Variants in PLD5 observed in about 807,000 individuals in gnomAD.
The protein encoded by PLD5 is phospholipase D family member 5, also known as inactive phospholipase D5.
A neutral mutation model predicts 61.1 loss-of-function variants in PLD5; 36 were observed. The ratio of observed to expected loss-of-function variants is 0.59; its 90% confidence interval spans 0.45 to 0.78. PLD5 has a LOEUF of 0.78. PLD5 is among the 30% of genes least tolerant of loss of function. PLD5 has a pLI of 0.00. For synonymous variants in PLD5, 243 were observed against 242.8 expected, an observed-to-expected ratio of 1.00 and a Z score of -0.01; for missense variants, 515 against 644.4, an observed-to-expected ratio of 0.80 and a Z score of 2.17.
intron 1 of PLD5, among the ~76,000 whole-genome samples, chr1:242,514,341 T>C (rs1185684236): frequency 6.6e-6 from 1 of 152,198 alleles, no homozygotes; most frequent in African/African-American, 2.4e-5. Context: ...TCCAGGTCCT[T>C]ACCAGTACGA....
chr1:242,176,538 T>G (rs903282850), intron 5 of PLD5, among the ~76,000 whole-genome samples: 2 of 152,174 alleles, frequency 1.3e-5, no homozygotes, highest in East Asian at 1.9e-4. Flanking sequence ...AAAGACTTCA[T>G]GTCTAAAGCA....
intron 8 of PLD5, among the ~76,000 whole-genome samples, chr1:242,104,516 T>C (rs1031880860): frequency 3.1e-4 from 47 of 152,158 alleles, no homozygotes; most frequent in African/African-American, 1.0e-3. Context: ...GCAGACGCCA[T>C]GGAGACATGT....
chr1:242,303,672 T>C (rs1013147203), intron 2 of PLD5, among the ~76,000 whole-genome samples: 6 of 152,196 alleles, frequency 3.9e-5, no homozygotes, highest in African/African-American at 1.2e-4. Flanking sequence ...CACAGTGACA[T>C]TCTTAGGAAC....
At chr1:242,190,482 G>T (rs559149123) in intron 5 of PLD5, among the ~76,000 whole-genome samples, 4 of 151,920 alleles carry the variant, frequency 2.6e-5, no homozygotes, top group Non-Finnish European at 5.9e-5. Flanking sequence ...TGCTCCTCAG[G>T]GATGTGACTA....
chr1:242,109,013 G>T (rs984110788), intron 7 of PLD5, among the ~76,000 whole-genome samples: 17 of 152,162 alleles, frequency 1.1e-4, no homozygotes, highest in African/African-American at 3.6e-4. Context: ...CTAGATCCTG[G>T]ATCCACGCTA....
At chr1:242,394,988 AATAT>A (rs534666387) in intron 1 of PLD5, among the ~76,000 whole-genome samples, 1 of 51,180 alleles carries the variant, frequency 2.0e-5, no homozygotes, top group African/African-American at 8.7e-5. Flanking sequence ...AATATATATG[AATAT>A]ATATGTATAT....
chr1:242,356,940 A>G (rs1048556017), intron 1 of PLD5, among the ~76,000 whole-genome samples: 10 of 151,966 alleles, frequency 6.6e-5, no homozygotes, highest in African/African-American at 2.4e-4. Flanking sequence ...CCATTACACT[A>G]GGGATAAAAT....
At chr1:242,278,782 G>A (rs1356169978) in intron 3 of PLD5, among the ~76,000 whole-genome samples, 2 of 152,186 alleles carry the variant, frequency 1.3e-5, no homozygotes, top group Non-Finnish European at 2.9e-5. Context: ...CTTGATAAAT[G>A]TTTGTTCAAT....
intron 1 of PLD5, among the ~76,000 whole-genome samples, chr1:242,401,732 G>A (rs1663945132): frequency 6.6e-6 from 1 of 152,126 alleles, no homozygotes; most frequent in Non-Finnish European, 1.5e-5. Flanking sequence ...TGACAGTCCT[G>A]TCTAAAATGA....
intron 2 of PLD5, among the ~76,000 whole-genome samples, chr1:242,309,605 C>T (rs1452852882): frequency 6.6e-6 from 1 of 151,596 alleles, no homozygotes; most frequent in Non-Finnish European, 1.5e-5. Context: ...AGCTTCTGAC[C>T]TCAGGTGATC....
chr1:242,282,121 A>G (rs1438169169), intron 3 of PLD5, among the ~76,000 whole-genome samples: 1 of 152,180 alleles, frequency 6.6e-6, no homozygotes, highest in Non-Finnish European at 1.5e-5. Flanking sequence ...GTGAATAACA[A>G]TATTCACGAT....
At position 242,488,926 on chromosome 1, in the gene PLD5, A is replaced by G. The variant is rs56143844; in HGVS notation, c.189+35162T>C. 7.2e-3 allele frequency among the ~76,000 whole-genome samples: 1,102 copies of G among 152,294 alleles called. 18 individuals carry two copies. Among genetic ancestry groups the G allele is most frequent in the African/African-American group, 0.025 (1,041 of 41,566 alleles). On this transcript the variant is annotated intron_variant, in intron 1 of 9. Coordinates refer to ENST00000536534, the MANE Select transcript of PLD5 (RefSeq NM_001372062.1). ...AAAGTAAAGACTCTTTTTTAAAATT[A>G]TAGTACTGATGATTAAAACTTGAAA... is the stretch of plus-strand genomic sequence containing the variant.
intron 3 of PLD5, among the ~76,000 whole-genome samples, chr1:242,266,756 G>T (rs1673701702): frequency 6.6e-6 from 1 of 152,256 alleles, no homozygotes; most frequent in East Asian, 1.9e-4. Flanking sequence ...TGGGTTTGGT[G>T]ACTTGGGAAG....
intron 4 of PLD5, among the ~76,000 whole-genome samples, chr1:242,236,360 A>G (rs1203117218): frequency 1.3e-5 from 2 of 152,220 alleles, no homozygotes; most frequent in African/African-American, 4.8e-5. Context: ...GAACTCCCAG[A>G]AACTATGACC....
chr1:242,317,849 A>T (rs1444882472), intron 2 of PLD5, among the ~76,000 whole-genome samples: 1 of 152,050 alleles, frequency 6.6e-6, no homozygotes, highest in Non-Finnish European at 1.5e-5. Context: ...GAGAGGAAGA[A>T]GGGTTGAGAG....
intron 1 of PLD5, among the ~76,000 whole-genome samples, chr1:242,508,703 T>C (rs1363137351): frequency 2.0e-5 from 3 of 152,134 alleles, no homozygotes; most frequent in Admixed American, 1.3e-4. Context: ...ACGGTTATTC[T>C]AAACCCAATA....
At chr1:242,218,728 G>A (rs1488176465) in intron 5 of PLD5, among the ~76,000 whole-genome samples, 4 of 152,220 alleles carry the variant, frequency 2.6e-5, no homozygotes, top group South Asian at 2.1e-4. Context: ...AGTGAAATAA[G>A]AGTGAGGTGT....
intron 2 of PLD5, among the ~76,000 whole-genome samples, chr1:242,318,666 T>A (rs960398268): frequency 4.7e-4 from 71 of 152,062 alleles, no homozygotes; most frequent in Non-Finnish European, 9.7e-4. Flanking sequence ...TTAATTTTTT[T>A]TTTTTTAATA....
chr1:242,107,597 T>TA (rs1661165231), intron 8 of PLD5, 74 bp downstream of exon 8: 1 of 1,371,424 alleles, frequency 7.3e-7, no homozygotes, highest in Admixed American at 2.5e-5. Context: ...CACATAGGCG[T>TA]ATGCTTGCAG....
Sources: allele counts gnomAD v4.1 joint callset (sites outside exome capture counted in the v4.1 genomes callset), GRCh38; gene constraint gnomAD v4.1.1; transcripts MANE v1.5; gene names NCBI Gene and HGNC (gene_info 2026-07-23, HGNC 2026-07-21).